Variants in DIS3L2 observed in about 807,000 individuals in gnomAD.
DIS3L2 encodes the protein DIS3-like exonuclease 2.
In DIS3L2, 34 loss-of-function variants were observed where a neutral mutation model predicts 97.5. The ratio of observed to expected loss-of-function variants is 0.35; its 90% confidence interval spans 0.27 to 0.46. The LOEUF (loss-of-function observed/expected upper bound fraction) is 0.46, where lower values mean the gene tolerates loss of function less well. Ranked by LOEUF, DIS3L2 falls within the 20% of genes least tolerant of loss-of-function variation. The probability of loss-of-function intolerance (pLI) is 1.00; values close to 1 mark genes in which losing one functional copy is unlikely to be tolerated. For synonymous variants in DIS3L2, 435 were observed against 445.2 expected (o/e 0.98, Z 0.29); for missense variants, 1,038 against 1,146.0 (o/e 0.91, Z 1.36).
intron 1 of DIS3L2, among the ~76,000 whole-genome samples, chr2:231,991,916 C>T (rs116000192): frequency 0.01 from 1,592 of 152,222 alleles, 33 homozygotes; most frequent in African/African-American, 0.036. Context: ...CAGTGATGAA[C>T]GGGACATACA....
intron 4 of DIS3L2, 144 bp from the exon 5 acceptor site, chr2:232,029,835 G>C: frequency 1.7e-6 from 1 of 587,716 alleles, no homozygotes; most frequent in Non-Finnish European, 2.9e-6. Flanking sequence ...TATTAAAAAG[G>C]TATCAGCATG....
chr2:232,323,817 T>C (rs1321636243), intron 14 of DIS3L2, among the ~76,000 whole-genome samples: 13 of 150,034 alleles, frequency 8.7e-5, no homozygotes, highest in African/African-American at 3.3e-4. Flanking sequence ...TGGGTGGGGG[T>C]CCATCAGTCA....
intron 1 of DIS3L2, among the ~76,000 whole-genome samples, chr2:231,992,336 A>G (rs374556816): frequency 1.3e-4 from 20 of 151,984 alleles, no homozygotes; most frequent in South Asian, 8.3e-4. Context: ...AGTACGGGCC[A>G]TGTTGGGGGA....
chr2:232,135,910 A>G (rs937762703), intron 7 of DIS3L2, among the ~76,000 whole-genome samples: 14 of 152,094 alleles, frequency 9.2e-5, no homozygotes, highest in African/African-American at 3.4e-4. Context: ...CTCAGAGAAT[A>G]CTTCTCTCTT....
intron 10 of DIS3L2, among the ~76,000 whole-genome samples, chr2:232,215,780 G>A (rs2106224683): frequency 6.6e-6 from 1 of 152,328 alleles, no homozygotes; most frequent in African/African-American, 2.4e-5. Flanking sequence ...TGAGGGATAG[G>A]ATGGGGTGGT....
At chr2:232,106,343 T>G (rs114003176) in intron 6 of DIS3L2, among the ~76,000 whole-genome samples, 296 of 152,204 alleles carry the variant, frequency 1.9e-3, no homozygotes, top group African/African-American at 6.6e-3. Flanking sequence ...TGAATGAAAA[T>G]GGTAAATTTT....
intron 9 of DIS3L2, among the ~76,000 whole-genome samples, chr2:232,209,280 A>G (rs1201479037): frequency 1.3e-5 from 2 of 152,126 alleles, no homozygotes; most frequent in African/African-American, 4.8e-5. Context: ...CTCTGAAGAC[A>G]GGGTCTCGCT....
chr2:232,120,599 T>G (rs1056235522), intron 6 of DIS3L2, among the ~76,000 whole-genome samples: 1 of 152,212 alleles, frequency 6.6e-6, no homozygotes, highest in Non-Finnish European at 1.5e-5. Context: ...GGCCGTTGTT[T>G]TGGGATGTCA....
chr2:232,156,667 A>C (rs1690504587), intron 8 of DIS3L2, among the ~76,000 whole-genome samples: 1 of 152,170 alleles, frequency 6.6e-6, no homozygotes, highest in Non-Finnish European at 1.5e-5. Flanking sequence ...ACAATCATTT[A>C]GGTCCGTATT....
intron 1 of DIS3L2, among the ~76,000 whole-genome samples, chr2:231,962,908 C>T (rs1247564526): frequency 6.6e-6 from 1 of 152,078 alleles, no homozygotes; most frequent in African/African-American, 2.4e-5. Flanking sequence ...CTGTAAAGGA[C>T]ATGATATCTT....
chr2:232,312,140 C>CT (rs781435366), intron 14 of DIS3L2, among the ~76,000 whole-genome samples: 2 of 152,060 alleles, frequency 1.3e-5, no homozygotes, highest in African/African-American at 2.4e-5. Flanking sequence ...GTGTAGTTTG[C>CT]TTTTTTACTG....
intron 13 of DIS3L2, among the ~76,000 whole-genome samples, chr2:232,267,388 G>C (rs1313457734): frequency 1.3e-5 from 2 of 152,136 alleles, no homozygotes; most frequent in Non-Finnish European, 2.9e-5. Flanking sequence ...TTGTTTCATT[G>C]CTTAGAAAGC....
chr2:232,140,230 TC>T (rs1278636643), intron 8 of DIS3L2, among the ~76,000 whole-genome samples: 2 of 152,204 alleles, frequency 1.3e-5, no homozygotes, highest in African/African-American at 4.8e-5. Context: ...AAAAAAATGT[TC>T]CTTGACTCAC....
chr2:232,319,152 C>G (rs529461343), intron 14 of DIS3L2, among the ~76,000 whole-genome samples: 36 of 152,152 alleles, frequency 2.4e-4, no homozygotes, highest in Non-Finnish European at 4.6e-4. Flanking sequence ...GTGGTTGGCA[C>G]ACAAGACACT....
intron 5 of DIS3L2, among the ~76,000 whole-genome samples, chr2:232,084,097 T>G (rs1415826349): frequency 1.3e-5 from 2 of 152,226 alleles, no homozygotes; most frequent in Non-Finnish European, 2.9e-5. Context: ...GGAAATTGAA[T>G]GAATTTGTTG....
intron 1 of DIS3L2, among the ~76,000 whole-genome samples, chr2:231,972,333 T>TA (rs1478058527): frequency 3.3e-5 from 5 of 152,374 alleles, no homozygotes; most frequent in African/African-American, 1.2e-4. Context: ...GCCATACTTT[T>TA]ATATGAGACT....
intron 12 of DIS3L2, among the ~76,000 whole-genome samples, chr2:232,257,078 G>A (rs1693585788): frequency 6.6e-6 from 1 of 152,230 alleles, no homozygotes; most frequent in Admixed American, 6.5e-5. Flanking sequence ...CCTGTGAAGA[G>A]AAAGCGAGCA....
chr2:232,322,906 A>C (rs1159938217), intron 14 of DIS3L2, among the ~76,000 whole-genome samples: 1 of 151,676 alleles, frequency 6.6e-6, no homozygotes, highest in South Asian at 2.1e-4. Context: ...TAAGTCTGTG[A>C]TGGCCCAGTT....
At chr2:232,109,458 T>A (rs1697458506) in intron 6 of DIS3L2, among the ~76,000 whole-genome samples, 1 of 150,890 alleles carries the variant, frequency 6.6e-6, no homozygotes. Flanking sequence ...TAAAAATAAA[T>A]AAATAAAAAA....
Sources: allele counts gnomAD v4.1 joint callset (sites outside exome capture counted in the v4.1 genomes callset), GRCh38; gene constraint gnomAD v4.1.1; transcripts MANE v1.5; gene names NCBI Gene and HGNC (gene_info 2026-07-23, HGNC 2026-07-21).